The following ZNF804B variants were observed in gnomAD, a reference collection of about 807,000 sequenced individuals.
The protein encoded by ZNF804B is zinc finger protein 804B.
ZNF804B carries 80 observed loss-of-function variants against 101.4 expected under a neutral mutation model. The observed-to-expected ratio is 0.79, with a 90% CI of 0.66 to 0.95. ZNF804B has a LOEUF of 0.95. ZNF804B is among the 40% of genes least tolerant of loss of function. The pLI is 0.00. For missense variants in ZNF804B, 1,673 were observed against 1,561.9 expected (o/e 1.07, Z -1.20); for synonymous variants, 622 against 558.8 (o/e 1.11, Z -1.59).
chr7:88,770,291 G>A (rs1169248995), intron 1 of ZNF804B, among the ~76,000 whole-genome samples: 1 of 152,126 alleles, frequency 6.6e-6, no homozygotes, highest in East Asian at 1.9e-4. Flanking sequence ...ATCACACAGT[G>A]GGGTCCAACT....
In ZNF804B at chr7:88,935,039, G is replaced by GTA. The variant is rs561519719; in HGVS notation, c.108+174966_108+174967dup. ...TATATATAGATATATGTGTGTGTGT[G>GTA]TATATATATATACACACACACATAC... On this transcript the variant is annotated intron_variant, in intron 1 of 3. Coordinates refer to ENST00000333190, the MANE Select transcript of ZNF804B (RefSeq NM_181646.5). 9.5e-3 allele frequency among the ~76,000 whole-genome samples: 1,431 copies of GTA among 150,406 alleles called. 8 individuals are homozygous for GTA. The highest frequency in any genetic ancestry group is 0.031 in the Middle Eastern group (9 of 292).
chr7:88,788,049 T>C (rs1790327846), intron 1 of ZNF804B, among the ~76,000 whole-genome samples: 1 of 152,106 alleles, frequency 6.6e-6, no homozygotes, highest in Non-Finnish European at 1.5e-5. Flanking sequence ...TGGTTCATTT[T>C]ATAGCAACAA....
chr7:89,187,377 T>A (rs1788390091), intron 1 of ZNF804B, among the ~76,000 whole-genome samples: 1 of 152,186 alleles, frequency 6.6e-6, no homozygotes, highest in Admixed American at 6.6e-5. Context: ...AATCATTACA[T>A]TTTAGTCACT....
At chr7:89,057,897 A>T (rs1489572239) in intron 1 of ZNF804B, among the ~76,000 whole-genome samples, 5 of 152,134 alleles carry the variant, frequency 3.3e-5, no homozygotes, top group Non-Finnish European at 7.4e-5. Flanking sequence ...GCAGGGGTGG[A>T]CAAAGAAGTA....
intron 1 of ZNF804B, among the ~76,000 whole-genome samples, chr7:88,856,514 A>G (rs1488830853): frequency 6.6e-6 from 1 of 152,046 alleles, no homozygotes; most frequent in Non-Finnish European, 1.5e-5. Flanking sequence ...GGGCTGAGAC[A>G]ATGGGGTTTT....
At chr7:88,857,353 G>T (rs1330098701) in intron 1 of ZNF804B, among the ~76,000 whole-genome samples, 2 of 152,012 alleles carry the variant, frequency 1.3e-5, no homozygotes, top group Non-Finnish European at 2.9e-5. Context: ...CAACGAAATT[G>T]ATAGACCACT....
intron 2 of ZNF804B, among the ~76,000 whole-genome samples, chr7:89,267,092 C>T (rs947018508): frequency 6.6e-6 from 1 of 152,070 alleles, no homozygotes; most frequent in Non-Finnish European, 1.5e-5. Flanking sequence ...ATTCTGCAGA[C>T]CTTGATTTAA....
At chr7:88,840,520 C>G (rs79893340) in intron 1 of ZNF804B, among the ~76,000 whole-genome samples, 3,937 of 152,118 alleles carry the variant, frequency 0.026, 133 homozygotes, top group African/African-American at 0.073. Context: ...GAGTAATCTC[C>G]TTAAAATTGG....
intron 1 of ZNF804B, among the ~76,000 whole-genome samples, chr7:89,006,412 C>T (rs1788369650): frequency 6.6e-6 from 1 of 152,034 alleles, no homozygotes; most frequent in Non-Finnish European, 1.5e-5. Context: ...TAAAGGCATT[C>T]AGAAGAATGT....
chr7:89,294,405 C>T lies in ZNF804B; in HGVS notation c.250-32939C>T, dbSNP rs1017913168. Among the ~76,000 whole-genome samples the T allele has an allele frequency of 3.9e-5, 6 of 152,004 alleles. No individual in the cohort carries two copies. The South Asian group carries it at 8.3e-4, about 21-fold the overall frequency. ...TTCATTGTAGCCCAGTAACCAGTTT[C>T]GATAATGAGAAATATAATGACACTA... On this transcript the variant is annotated intron_variant, in intron 2 of 3. Coordinates refer to ENST00000333190, the MANE Select transcript of ZNF804B (RefSeq NM_181646.5).
chr7:88,840,823 A>ATT (rs1791283831), intron 1 of ZNF804B, among the ~76,000 whole-genome samples: 1 of 152,192 alleles, frequency 6.6e-6, no homozygotes, highest in Non-Finnish European at 1.5e-5. Flanking sequence ...AAAACAGCTC[A>ATT]AAGTACACAT....
chr7:89,136,188 T>G (rs1443568318), intron 1 of ZNF804B, among the ~76,000 whole-genome samples: 1 of 152,242 alleles, frequency 6.6e-6, no homozygotes, highest in East Asian at 1.9e-4. Context: ...GAAAGCAAGC[T>G]CAGGCATGAG....
intron 2 of ZNF804B, among the ~76,000 whole-genome samples, chr7:89,269,915 GT>G (rs1455624909): frequency 6.6e-6 from 1 of 151,954 alleles, no homozygotes; most frequent in South Asian, 2.1e-4. Context: ...GGGGTTGTTT[GT>G]TTTTTTCTTG....
rs149857842 is a variant in ZNF804B, at chr7:89,318,319, T to A, written c.250-9025T>A. 2.3e-3 allele frequency among the ~76,000 whole-genome samples: 357 copies of A among 152,320 alleles called. 2 individuals carry two copies. The highest frequency in any genetic ancestry group is 8.3e-3 in the African/African-American group (346 of 41,566). ...CTGTGGCATGTTGATTTTCTCTCTT[T>A]TGCTTTTTTCCTTTGATTACTTAAG... On this transcript the variant is annotated intron_variant, in intron 2 of 3. Transcript: ENST00000333190.
Position 89,334,967 on chromosome 7 carries a change from C to T in ZNF804B, c.1985C>T (p.Thr662Ile), listed in dbSNP as rs764277813. The change falls in exon 4 of 4, where the codon ACA (threonine) becomes ATA (isoleucine). Residue 662 changes from threonine to isoleucine, a missense_variant. Coordinates refer to ENST00000333190, the MANE Select transcript of ZNF804B (RefSeq NM_181646.5). ...RQFNCKSSPC[T>I]VGGHSDHGKD... ...TTCAACTGCAAGTCCAGTCCTTGTA[C>T]AGTAGGGGGTCACAGTGACCATGGG... The T allele has an allele frequency of 6.2e-6, 10 of 1,613,842 alleles. No homozygotes were observed. The East Asian group carries it at 1.6e-4, about 25-fold the overall frequency.
intron 1 of ZNF804B, among the ~76,000 whole-genome samples, chr7:89,000,955 T>C (rs2116171653): frequency 6.8e-6 from 1 of 147,542 alleles, no homozygotes; most frequent in East Asian, 2.0e-4. Flanking sequence ...AAAAGATAGG[T>C]CCAAATTTTA....
chr7:89,246,184 CTCAG>C (rs1789443100), intron 2 of ZNF804B, among the ~76,000 whole-genome samples: 1 of 152,114 alleles, frequency 6.6e-6, no homozygotes, highest in Non-Finnish European at 1.5e-5. Flanking sequence ...TAGAAAGTGT[CTCAG>C]CAGCAGGTGC....
At chr7:89,258,659 G>T (rs1343749494) in intron 2 of ZNF804B, among the ~76,000 whole-genome samples, 1 of 152,004 alleles carries the variant, frequency 6.6e-6, no homozygotes, top group African/African-American at 2.4e-5. Context: ...CAAAAACTTA[G>T]CCATTAAAAG....
intron 2 of ZNF804B, among the ~76,000 whole-genome samples, chr7:89,235,834 T>A (rs1264150743): frequency 6.6e-6 from 1 of 152,054 alleles, no homozygotes; most frequent in Admixed American, 6.6e-5. Flanking sequence ...CTTCCCACAA[T>A]GTCTTTGTAC....
Sources: allele counts gnomAD v4.1 joint callset (sites outside exome capture counted in the v4.1 genomes callset), GRCh38; gene constraint gnomAD v4.1.1; transcripts MANE v1.5; gene names NCBI Gene and HGNC (gene_info 2026-07-23, HGNC 2026-07-21).